CPQ: variants seen among roughly 807,000 people sequenced by gnomAD.
CPQ encodes carboxypeptidase Q, also known as Ser-Met dipeptidase.
A neutral mutation model predicts 45.7 loss-of-function variants in CPQ; 37 were observed. The ratio of observed to expected loss-of-function variants is 0.81; its 90% confidence interval spans 0.62 to 1.07. CPQ has a LOEUF of 1.07. CPQ is among the 50% of genes least tolerant of loss of function. The pLI, the probability that CPQ is intolerant of heterozygous loss-of-function variation, is 0.00. For missense variants in CPQ, 537 were observed against 572.9 expected, an observed-to-expected ratio of 0.94 and a Z score of 0.64; for synonymous variants, 186 against 205.8, an observed-to-expected ratio of 0.90 and a Z score of 0.82.
At chr8:97,031,441 C>T (rs892239282) in intron 6 of CPQ, among the ~76,000 whole-genome samples, 2 of 152,132 alleles carry the variant, frequency 1.3e-5, no homozygotes, top group African/African-American at 4.8e-5. Flanking sequence ...CCGCCTCGGC[C>T]TCCCAAAGTG....
chr8:96,681,739 C>G (rs951217359), intron 1 of CPQ, among the ~76,000 whole-genome samples: 1 of 152,172 alleles, frequency 6.6e-6, no homozygotes, highest in Non-Finnish European at 1.5e-5. Flanking sequence ...TCAATGCCAG[C>G]CCATGAAAGC....
chr8:97,115,379 G>A (rs1811567686), intron 7 of CPQ, among the ~76,000 whole-genome samples: 1 of 152,218 alleles, frequency 6.6e-6, no homozygotes, highest in Non-Finnish European at 1.5e-5. Context: ...TCAACCCGAA[G>A]CAATTTTACT....
At chr8:96,775,623 T>G (rs1810595202) in intron 1 of CPQ, among the ~76,000 whole-genome samples, 1 of 152,188 alleles carries the variant, frequency 6.6e-6, no homozygotes, top group African/African-American at 2.4e-5. Flanking sequence ...AAGAGTCAAC[T>G]TGCATGAAAA....
intron 5 of CPQ, among the ~76,000 whole-genome samples, chr8:96,989,376 T>A (rs1410501327): frequency 7.0e-6 from 1 of 142,456 alleles, no homozygotes; most frequent in East Asian, 2.1e-4. Flanking sequence ...CAGTTCTGAA[T>A]AATGGAAGAA....
intron 5 of CPQ, among the ~76,000 whole-genome samples, chr8:97,023,170 C>T (rs1212121350): frequency 4.6e-5 from 7 of 150,804 alleles, no homozygotes; most frequent in South Asian, 2.1e-4. Context: ...TAATGGCATT[C>T]GCAGTGACCT....
chr8:97,038,996 C>T (rs533976333), intron 6 of CPQ, among the ~76,000 whole-genome samples: 1 of 152,186 alleles, frequency 6.6e-6, no homozygotes, highest in South Asian at 2.1e-4. Flanking sequence ...GGAATTCTAA[C>T]GTTTAGAGAT....
chr8:96,646,047 A>G (rs1815516782), intron 1 of CPQ, among the ~76,000 whole-genome samples: 1 of 149,946 alleles, frequency 6.7e-6, no homozygotes, highest in East Asian at 2.0e-4. Context: ...CAGCTGAATC[A>G]ATCAGTGCAT....
intron 1 of CPQ, among the ~76,000 whole-genome samples, chr8:96,729,053 G>A (rs1320795877): frequency 6.6e-6 from 1 of 152,178 alleles, no homozygotes; most frequent in African/African-American, 2.4e-5. Context: ...GTAGGGAGAA[G>A]ATTTGCATCC....
At chr8:96,809,846 A>T (rs1286809678) in intron 2 of CPQ, among the ~76,000 whole-genome samples, 2 of 152,136 alleles carry the variant, frequency 1.3e-5, no homozygotes, top group Non-Finnish European at 2.9e-5. Flanking sequence ...TACAAAACAA[A>T]ATGTTTCTTC....
rs189170541 is a variant in CPQ, at chr8:96,683,543, C to T, written c.-35+38141C>T. On this transcript the variant is annotated intron_variant, in intron 1 of 7. Transcript: ENST00000220763. The stretch of plus-strand genomic sequence containing the variant: ...TGTCTATTTGTGAGTTTTTGTGCTT[C>T]TTGTACCTGGATGCCTAAATCTCTT... Among the ~76,000 whole-genome samples the T allele has an allele frequency of 5.3e-5, 8 of 152,110 alleles. No homozygotes were observed. The East Asian group carries it at 1.2e-3, about 22-fold the overall frequency.
chr8:96,986,214 G>T (rs1307268970), intron 5 of CPQ, among the ~76,000 whole-genome samples: 1 of 152,144 alleles, frequency 6.6e-6, no homozygotes, highest in East Asian at 1.9e-4. Flanking sequence ...GCTTTTAGAG[G>T]ATGTTGCTTG....
At chr8:96,668,001 A>G (rs909273966) in intron 1 of CPQ, among the ~76,000 whole-genome samples, 3 of 152,346 alleles carry the variant, frequency 2.0e-5, no homozygotes, top group Admixed American at 1.3e-4. Context: ...CTGGGCATAA[A>G]TTTAAAAAAA....
intron 4 of CPQ, among the ~76,000 whole-genome samples, chr8:96,897,349 A>T (rs556859855): frequency 3.3e-4 from 50 of 152,316 alleles, no homozygotes; most frequent in African/African-American, 1.2e-3. Context: ...ATATTAGAGT[A>T]TGTGTGGACT....
chr8:96,827,208 T>C (rs1811391534), intron 2 of CPQ, among the ~76,000 whole-genome samples: 1 of 152,046 alleles, frequency 6.6e-6, no homozygotes, highest in South Asian at 2.1e-4. Context: ...GGAACATATG[T>C]CATAGGTCTG....
intron 1 of CPQ, among the ~76,000 whole-genome samples, chr8:96,656,812 G>C (rs1477208662): frequency 6.6e-5 from 10 of 152,136 alleles, no homozygotes; most frequent in African/African-American, 2.4e-4. Flanking sequence ...CTCTGATTGT[G>C]CACCACCACT....
At chr8:96,792,515 G>A (rs768632472) in intron 2 of CPQ, among the ~76,000 whole-genome samples, 1 of 152,104 alleles carries the variant, frequency 6.6e-6, no homozygotes, top group African/African-American at 2.4e-5. Context: ...TTTTAGGATT[G>A]TATGTTTTTA....
At chr8:96,863,144 TAAATG>T (rs1811951865) in intron 3 of CPQ, among the ~76,000 whole-genome samples, 1 of 152,036 alleles carries the variant, frequency 6.6e-6, no homozygotes, top group Non-Finnish European at 1.5e-5. Flanking sequence ...ATGGAGGAAA[TAAATG>T]AATAAGAACT....
At chr8:96,716,206 T>C (rs572018230) in intron 1 of CPQ, among the ~76,000 whole-genome samples, 1 of 152,348 alleles carries the variant, frequency 6.6e-6, no homozygotes, top group African/African-American at 2.4e-5. Context: ...ACTGTGTTGG[T>C]TGGCTTCTAG....
At chr8:97,123,333 C>T (rs1439664678) in intron 7 of CPQ, among the ~76,000 whole-genome samples, 2 of 146,692 alleles carry the variant, frequency 1.4e-5, no homozygotes, top group Non-Finnish European at 3.0e-5. Flanking sequence ...ATGGACTGTT[C>T]AAATAAAAAA....
Sources: allele counts gnomAD v4.1 joint callset (sites outside exome capture counted in the v4.1 genomes callset), GRCh38; gene constraint gnomAD v4.1.1; transcripts MANE v1.5; gene names NCBI Gene and HGNC (gene_info 2026-07-23, HGNC 2026-07-21).